Variants in PLXNA2 observed in about 807,000 individuals in gnomAD.
PLXNA2 encodes the protein plexin A2.
PLXNA2 carries 91 observed loss-of-function variants against 193.5 expected under a neutral mutation model. The ratio of observed to expected loss-of-function variants is 0.47; its 90% CI spans 0.40 to 0.56. The LOEUF (loss-of-function observed/expected upper bound fraction) is 0.56. Among genes scored for constraint, PLXNA2 ranks in the 20% least tolerant of loss-of-function variants. PLXNA2 has a pLI of 0.00. For synonymous variants in PLXNA2, 997 were observed against 1,027.3 expected, an observed-to-expected ratio of 0.97 and a Z score of 0.56; for missense variants, 1,995 against 2,503.2, an observed-to-expected ratio of 0.80 and a Z score of 4.33.
chr1:208,109,070 C>T (rs534216979), intron 4 of PLXNA2, among the ~76,000 whole-genome samples: 8 of 152,232 alleles, frequency 5.3e-5, no homozygotes, highest in Non-Finnish European at 1.2e-4. Context: ...TACACCTGTC[C>T]TCACACGTGT....
intron 2 of PLXNA2, among the ~76,000 whole-genome samples, chr1:208,213,228 C>T (rs111605931): frequency 7.2e-4 from 109 of 152,212 alleles, no homozygotes; most frequent in African/African-American, 2.3e-3. Context: ...CTTTCCTCCT[C>T]AAGTTGTTTT....
chr1:208,221,393 T>G (rs1671331696), intron 1 of PLXNA2, among the ~76,000 whole-genome samples: 1 of 143,100 alleles, frequency 7.0e-6, no homozygotes, highest in South Asian at 2.3e-4. Flanking sequence ...TTTTTTTTTT[T>G]TTTTTTTTTT....
In PLXNA2 at chr1:208,082,857, C is replaced by T. The variant is rs1001569476; in HGVS notation, c.2299-349G>A. Among the ~76,000 whole-genome samples, 2 of 152,164 alleles carry T rather than the reference C, an allele frequency of 1.3e-5. No individual in the cohort carries two copies. The highest frequency in any genetic ancestry group is 2.9e-5 in the Non-Finnish European group (2 of 68,028). Reference sequence around the variant, plus strand: ...TACAACCTCCATCCTTTTAACCCACCCGTATTCTTCTAGCCCAGCTCAGCT... The same window carrying T: ...TACAACCTCCATCCTTTTAACCCACTCGTATTCTTCTAGCCCAGCTCAGCT... On this transcript the variant is annotated intron_variant, in intron 10 of 31. Coordinates refer to ENST00000367033, the MANE Select transcript of PLXNA2 (RefSeq NM_025179.4). This position sits in a 1 kb window ranked among gnomAD's most constrained non-coding sequence, Gnocchi z 4.2.
chr1:208,136,747 C>T (rs1668313347), intron 4 of PLXNA2, among the ~76,000 whole-genome samples: 1 of 152,144 alleles, frequency 6.6e-6, no homozygotes, highest in Non-Finnish European at 1.5e-5. Context: ...TGGGAGTAAG[C>T]AGGAGGAATG....
chr1:208,161,906 G>T (rs941991783), intron 3 of PLXNA2, among the ~76,000 whole-genome samples: 1 of 152,190 alleles, frequency 6.6e-6, no homozygotes, highest in African/African-American at 2.4e-5. Context: ...GCATTTTCCA[G>T]ATTGTATTGA....
At chr1:208,194,293 G>T (rs1486036188) in intron 3 of PLXNA2, among the ~76,000 whole-genome samples, 3 of 151,884 alleles carry the variant, frequency 2.0e-5, no homozygotes, top group Non-Finnish European at 4.4e-5. Context: ...CTGGGGGAAA[G>T]GGCCGAATGA....
chr1:208,040,487 C>T (rs1377833751), intron 22 of PLXNA2, among the ~76,000 whole-genome samples: 1 of 152,186 alleles, frequency 6.6e-6, no homozygotes, highest in Admixed American at 6.5e-5. Context: ...TTTTGCCTAT[C>T]TGGAAGGTGC....
chr1:208,049,666 T>C (rs962918327), intron 17 of PLXNA2, among the ~76,000 whole-genome samples: 2 of 152,178 alleles, frequency 1.3e-5, no homozygotes, highest in Non-Finnish European at 2.9e-5. Context: ...ACCTGTATGA[T>C]TGGGGGCAAG....
intron 3 of PLXNA2, among the ~76,000 whole-genome samples, chr1:208,199,100 T>C (rs1459823395): frequency 1.3e-5 from 2 of 152,214 alleles, no homozygotes; most frequent in African/African-American, 4.8e-5. Flanking sequence ...GACTAACGTG[T>C]AAGACTTGAG....
At chr1:208,054,609 G>T in intron 13 of PLXNA2, 71 bp from the exon 14 acceptor site, 1 of 1,050,140 alleles carries the variant, frequency 9.5e-7, no homozygotes, top group Non-Finnish European at 1.5e-6. Flanking sequence ...TGCTCTCCCA[G>T]TCATGGCAAA....
intron 4 of PLXNA2, among the ~76,000 whole-genome samples, chr1:208,115,371 A>G (rs530326884): frequency 5.3e-5 from 8 of 152,320 alleles, no homozygotes; most frequent in Non-Finnish European, 8.8e-5. Flanking sequence ...CCATCCATTC[A>G]TCCACCAGAC....
intron 3 of PLXNA2, among the ~76,000 whole-genome samples, chr1:208,157,537 T>C (rs1668973912): frequency 6.6e-6 from 1 of 152,104 alleles, no homozygotes; most frequent in Non-Finnish European, 1.5e-5. Context: ...TGTTTCTGAG[T>C]GAGGGTCTGG....
At chr1:208,122,452 T>G (rs1667834765) in intron 4 of PLXNA2, among the ~76,000 whole-genome samples, 1 of 152,234 alleles carries the variant, frequency 6.6e-6, no homozygotes, top group Non-Finnish European at 1.5e-5. Context: ...CTATAAAATG[T>G]GGATGATTAT....
intron 10 of PLXNA2, among the ~76,000 whole-genome samples, chr1:208,083,818 TC>T (rs11327307): frequency 0.17 from 25,116 of 151,602 alleles, 2,316 homozygotes; most frequent in East Asian, 0.37. Context: ...CTCCTACCCC[TC>T]CCCTCCCACC....
rs895712815 is a variant in PLXNA2, at chr1:208,038,312, G to C, written c.4764+59C>G. 7.5e-6 allele frequency: 9 copies of C among 1,206,472 alleles called. No homozygotes were observed. In the East Asian group the frequency reaches 1.6e-4, roughly 22 times the overall value. 74.7% of individuals were successfully genotyped at this position (1,206,472 alleles called of 1,614,324 possible). A position where few individuals can be genotyped will look rare whatever the true frequency, so the allele number is the denominator to read the frequency against. On this transcript the variant is annotated intron_variant, in intron 26 of 31. Transcript: ENST00000367033. The surrounding 1 kb of genome is among the most constrained non-coding windows in gnomAD (Gnocchi z 4.1). ...TAGACTTTTGAGGCCTTAGAGCAAG[G>C]CTTAGCGGGAAGGGAACATTCTGGG...
At chr1:208,237,966 C>A (rs947634769) in intron 1 of PLXNA2, among the ~76,000 whole-genome samples, 2 of 152,212 alleles carry the variant, frequency 1.3e-5, no homozygotes, top group African/African-American at 4.8e-5. Flanking sequence ...TAAATGAATT[C>A]CAATTCCCGC....
Position 208,031,654 on chromosome 1 carries a change from C to T in PLXNA2, c.5161G>A (p.Asp1721Asn). The change falls in exon 29 of 32, where the codon GAT becomes AAT. Residue 1721 changes from aspartate (D) to asparagine (N), a missense_variant. Physicochemically the swap from Asp to Asn is conservative, Grantham distance 23 (BLOSUM62 1). Transcript: ENST00000367033. ...LAIKYMFDFL[D>N]EQADRHSIHD... ...ATGCTGTGCCTGTCTGCCTGCTCAT[C>T]TAGGAAATCAAACATGTACTTGATG... The T allele has an allele frequency of 6.2e-7, 1 of 1,613,892 alleles. No individual in the cohort carries two copies. The highest frequency in any genetic ancestry group is 1.7e-5 in the Admixed American group (1 of 59,980).
chr1:208,200,832 T>C (rs1369606984), intron 3 of PLXNA2, among the ~76,000 whole-genome samples: 3 of 152,038 alleles, frequency 2.0e-5, no homozygotes, highest in African/African-American at 7.2e-5. Flanking sequence ...TCTTGAACTC[T>C]TGACCTCAGG....
chr1:208,214,225 T>C (rs1487047440), intron 2 of PLXNA2, among the ~76,000 whole-genome samples: 1 of 152,240 alleles, frequency 6.6e-6, no homozygotes, highest in Non-Finnish European at 1.5e-5. Flanking sequence ...GTGATTAATA[T>C]TAATAATCAT....
Sources: gnomAD v4.1 joint callset for allele counts (sites outside exome capture counted in the v4.1 genomes callset) on GRCh38, gnomAD v4.1.1 for gene constraint, Gnocchi (gnomAD v3.1) non-coding constraint, MANE v1.5 for transcripts, NCBI Gene and HGNC (gene_info 2026-07-23, HGNC 2026-07-21) for gene names.